The following TLL2 variants were observed in gnomAD, a reference collection of about 807,000 sequenced individuals.
TLL2 encodes tolloid-like protein 2.
Under a neutral mutation model 123.0 loss-of-function variants are expected in TLL2, and 106 were observed. That is an observed-to-expected ratio of 0.86 (90% CI 0.74 to 1.01). The LOEUF (loss-of-function observed/expected upper bound fraction) is 1.01, where lower values mean the gene tolerates loss of function less well. TLL2 is among the 50% of genes least tolerant of loss of function. The pLI, the probability that TLL2 is intolerant of heterozygous loss-of-function variation, is 0.00. For synonymous variants in TLL2, 494 were observed against 516.8 expected, an observed-to-expected ratio of 0.96 and a Z score of 0.60; for missense variants, 1,332 against 1,336.7, an observed-to-expected ratio of 1.00 and a Z score of 0.06.
At position 96,365,116 on chromosome 10, in the gene TLL2, A is replaced by G. The variant is rs1320593855; in HGVS notation, c.*2972T>C. 6.6e-6 allele frequency: 1 copy of G among 152,218 alleles called. No individual in the cohort carries two copies. The highest frequency in any genetic ancestry group is 1.5e-5 in the Non-Finnish European group (1 of 68,040). The allele number at this position is 152,218 out of a possible 1,614,324, so 9.4% of individuals were successfully genotyped here. A position where few individuals can be genotyped will look rare whatever the true frequency, so the allele number is the denominator to read the frequency against. ...AACGATAGCTGACGAGAAAAAAAAA[A>G]ATCACAGAAAGAATCTTACAATGTT... On this transcript the variant is annotated 3_prime_UTR_variant, in exon 21 of 21. Transcript: ENST00000357947.
At chr10:96,379,653 C>T (rs1019813842) in intron 16 of TLL2, among the ~76,000 whole-genome samples, 9 of 152,088 alleles carry the variant, frequency 5.9e-5, no homozygotes, top group African/African-American at 2.2e-4. Flanking sequence ...GAAACCCTGC[C>T]TCTACTAAAA....
chr10:96,411,616 G>T (rs1846508068), intron 8 of TLL2, among the ~76,000 whole-genome samples: 1 of 152,200 alleles, frequency 6.6e-6, no homozygotes, highest in Non-Finnish European at 1.5e-5. Flanking sequence ...AATGCCTGGG[G>T]ATTCAGACTC....
chr10:96,386,142 T>A lies in TLL2; in HGVS notation c.1926A>T (p.Thr642=), dbSNP rs1219518643. ...CCACCTGCCAGACACAGTTTTTGTT[T>A]GTGGGATACTCCTTCGGCCACCCAG... ...TSPGWPKEYP[T]NKNCVWQVVA... is the part of the protein sequence containing the mutation. Residue 642 remains threonine (T), a synonymous_variant, in exon 15 of 21, where the codon ACA becomes ACT. Coordinates refer to ENST00000357947, the MANE Select transcript of TLL2 (RefSeq NM_012465.4). 4 of 1,613,048 alleles carry A rather than the reference T, an allele frequency of 2.5e-6. No homozygotes were observed. The African/African-American group carries it at 5.3e-5, about 22-fold the overall frequency.
chr10:96,407,484 C>G (rs1363021836), intron 9 of TLL2, among the ~76,000 whole-genome samples: 2 of 152,186 alleles, frequency 1.3e-5, no homozygotes, highest in Non-Finnish European at 2.9e-5. Flanking sequence ...ATACACACAT[C>G]ACTGTGCTAT....
intron 16 of TLL2, among the ~76,000 whole-genome samples, chr10:96,382,516 T>G (rs1473478641): frequency 6.6e-6 from 1 of 152,260 alleles, no homozygotes; most frequent in Non-Finnish European, 1.5e-5. Context: ...AAGAGGGTGC[T>G]ACGGTTTGAA....
chr10:96,396,051 G>T, intron 11 of TLL2, 31 bp from the exon 12 acceptor site: 6 of 1,611,614 alleles, frequency 3.7e-6, no homozygotes, highest in Non-Finnish European at 4.2e-6. Context: ...AGAGGAAGAC[G>T]GGGGCCCTGG....
At chr10:96,402,077 A>G (rs573275921) in intron 10 of TLL2, among the ~76,000 whole-genome samples, 2 of 152,252 alleles carry the variant, frequency 1.3e-5, no homozygotes, top group African/African-American at 4.8e-5. Flanking sequence ...AGTGACTGTA[A>G]TGTCTCTGCC....
At chr10:96,503,616 G>A (rs1356720718) in intron 1 of TLL2, among the ~76,000 whole-genome samples, 2 of 152,204 alleles carry the variant, frequency 1.3e-5, no homozygotes, top group Non-Finnish European at 2.9e-5. Flanking sequence ...GGTGAGGAGA[G>A]TGGTTGGACC....
chr10:96,505,419 T>G (rs1202798933), intron 1 of TLL2, among the ~76,000 whole-genome samples: 1 of 152,230 alleles, frequency 6.6e-6, no homozygotes, highest in East Asian at 1.9e-4. Context: ...TTCCTGCCAC[T>G]TGGAAACCTT....
At chr10:96,373,989 C>T (rs371026123) in intron 18 of TLL2, 180 bp from the exon 19 acceptor site, 9 of 602,526 alleles carry the variant, frequency 1.5e-5, no homozygotes, top group East Asian at 1.1e-4. Context: ...TCTCAACCTC[C>T]GCCTTGCTTT....
chr10:96,468,815 G>A (rs939332137), intron 2 of TLL2, among the ~76,000 whole-genome samples: 1 of 152,156 alleles, frequency 6.6e-6, no homozygotes, highest in Admixed American at 6.5e-5. Context: ...TGACAAACAC[G>A]CTCGTAATGA....
At chr10:96,454,361 C>T (rs1368959170) in intron 2 of TLL2, among the ~76,000 whole-genome samples, 1 of 152,208 alleles carries the variant, frequency 6.6e-6, no homozygotes, top group Non-Finnish European at 1.5e-5. Context: ...TTGCTCCTGC[C>T]CCCAGGCAGA....
At chr10:96,476,240 A>ATATATTTT in intron 2 of TLL2, among the ~76,000 whole-genome samples, 2 of 20,502 alleles carry the variant, frequency 9.8e-5, no homozygotes, top group Non-Finnish European at 2.0e-4. Flanking sequence ...ATATATATAT[A>ATATATTTT]TTTTATTTTT....
rs1212663944 is a variant in TLL2 at position 96,446,107 on chromosome 10, G to A, written c.348C>T (p.Thr116=). 1.2e-6 allele frequency: 2 copies of A among 1,614,108 alleles called. No individual in the cohort carries two copies. The highest frequency in any genetic ancestry group is 8.5e-7 in the Non-Finnish European group (1 of 1,180,018). ...SPDTTAMDTG[T]KEAGKDGREN... is the part of the protein sequence containing the mutation. ...TCACATTACCCTTTCCAGCTTCCTT[G>A]GTGCCAGTGTCCATGGCTGTGGTGT... Residue 116 remains threonine, a synonymous_variant, in exon 3 of 21, where the codon ACC becomes ACT. Transcript: ENST00000357947.
chr10:96,382,219 C>T (rs553435155), intron 16 of TLL2, among the ~76,000 whole-genome samples: 20 of 152,308 alleles, frequency 1.3e-4, no homozygotes, highest in South Asian at 4.1e-4. Context: ...TTAGTAGAGA[C>T]GGGGTTTCAC....
At chr10:96,383,787 ATTT>A (rs56007977) in intron 16 of TLL2, among the ~76,000 whole-genome samples, 116 of 137,422 alleles carry the variant, frequency 8.4e-4, no homozygotes, top group Non-Finnish European at 8.4e-4. Context: ...CGCCCGGCTA[ATTT>A]TTTTTTTTTT....
Position 96,376,789 on chromosome 10 carries a change from T to C in TLL2, c.2351A>G (p.Glu784Gly). The C allele has an allele frequency of 6.3e-7, 1 of 1,584,008 alleles. No homozygotes were observed. The highest frequency in any genetic ancestry group is 8.6e-7 in the Non-Finnish European group (1 of 1,167,134). Residue 784 changes from glutamate (E) to glycine (G), a missense_variant, in exon 18 of 21, where the codon GAG becomes GGG. Physicochemically the swap from Glu to Gly is moderately conservative, Grantham distance 98 (BLOSUM62 -2). Transcript: ENST00000357947. ...AGCAHKISSV[E>G]GTLASPNWPD... ...CCAGTTGGGGCTCGCCAGGGTCCCC[T>C]CCACACTGCTGATCTTGTGTGCACA...
In TLL2 at chr10:96,376,806, G is replaced by C. The variant is rs137971250; in HGVS notation, c.2334C>G (p.His778Gln). The C allele has an allele frequency of 1.1e-4, 170 of 1,548,892 alleles. No individual in the cohort carries two copies. In the African/African-American group the frequency reaches 2.3e-3, roughly 21 times the overall value. The change falls in exon 18 of 21, where the codon CAC becomes CAG. Residue 778 changes from histidine to glutamine, a missense_variant. Physicochemically the swap from His to Gln is conservative, Grantham distance 24. Transcript: ENST00000357947. ...GHDCKEAGCA[H>Q]KISSVEGTLA... Reference sequence around the variant, plus strand: ...GGGTCCCCTCCACACTGCTGATCTTGTGTGCACAGCCAGCTGGGGGTGGCA... The same window carrying C: ...GGGTCCCCTCCACACTGCTGATCTTCTGTGCACAGCCAGCTGGGGGTGGCA...
At chr10:96,378,759 G>C (rs549573983) in intron 17 of TLL2, among the ~76,000 whole-genome samples, 1 of 152,308 alleles carries the variant, frequency 6.6e-6, no homozygotes, top group African/African-American at 2.4e-5. Flanking sequence ...AAAAATAACA[G>C]CCTAGAGCAC....
Sources: allele counts gnomAD v4.1 joint callset (sites outside exome capture counted in the v4.1 genomes callset), GRCh38; gene constraint gnomAD v4.1.1; transcripts MANE v1.5; gene names NCBI Gene and HGNC (gene_info 2026-07-23, HGNC 2026-07-21).